Variants in CCSER1 observed in about 807,000 individuals in gnomAD.
CCSER1 encodes the protein coiled-coil serine rich protein 1, also known as serine-rich coiled-coil domain-containing protein 1.
Under a neutral mutation model 82.0 loss-of-function variants are expected in CCSER1, and 41 were observed. That is an observed-to-expected ratio of 0.50 (90% CI 0.39 to 0.65). CCSER1 has a LOEUF of 0.65. Ranked by LOEUF, CCSER1 falls within the 30% of genes least tolerant of loss-of-function variation. The pLI is 0.00. For synonymous variants in CCSER1, 414 were observed against 383.9 expected, an observed-to-expected ratio of 1.08 and a Z score of -0.92; for missense variants, 1,119 against 1,064.2, an observed-to-expected ratio of 1.05 and a Z score of -0.72.
At chr4:91,270,784 G>C (rs62312001) in intron 10 of CCSER1, among the ~76,000 whole-genome samples, 420 of 152,208 alleles carry the variant, frequency 2.8e-3, no homozygotes, top group Non-Finnish European at 5.0e-3. Flanking sequence ...GGTAATGGAA[G>C]GCTATTATAT....
chr4:91,329,150 C>G (rs982533612), intron 10 of CCSER1, among the ~76,000 whole-genome samples: 1 of 152,136 alleles, frequency 6.6e-6, no homozygotes, highest in Non-Finnish European at 1.5e-5. Flanking sequence ...TCACATAGAA[C>G]TCTAATTTAT....
intron 10 of CCSER1, among the ~76,000 whole-genome samples, chr4:91,412,878 G>A (rs573683009): frequency 3.4e-4 from 52 of 152,158 alleles, no homozygotes; most frequent in African/African-American, 1.2e-3. Flanking sequence ...CCTAAAGAAG[G>A]GGGGATCTAT....
chr4:90,395,637 C>T (rs1255186135), intron 3 of CCSER1, among the ~76,000 whole-genome samples: 2 of 151,050 alleles, frequency 1.3e-5, no homozygotes, highest in Non-Finnish European at 2.9e-5. Flanking sequence ...TACAATTAAA[C>T]TCTACTTGCT....
At chr4:90,448,027 G>T (rs923156314) in intron 4 of CCSER1, among the ~76,000 whole-genome samples, 1 of 152,000 alleles carries the variant, frequency 6.6e-6, no homozygotes, top group Non-Finnish European at 1.5e-5. Context: ...ACAGCAAAAT[G>T]CATTTTAGTT....
chr4:91,280,439 A>G (rs1742827845), intron 10 of CCSER1, among the ~76,000 whole-genome samples: 1 of 152,130 alleles, frequency 6.6e-6, no homozygotes, highest in African/African-American at 2.4e-5. Context: ...AGTGGCACAT[A>G]CAGGTGGGTG....
Position 90,785,251 on chromosome 4 carries a change from T to A in CCSER1, c.2011-30511T>A, listed in dbSNP as rs902377684. Among the ~76,000 whole-genome samples, 8 of 152,248 alleles carry A rather than the reference T, an allele frequency of 5.3e-5. No homozygotes were observed. The East Asian group carries it at 1.5e-3, about 29-fold the overall frequency. ...TGGGGTTTCACCATGTTGTCCAGGC[T>A]GGTCTGGAACTCCTGGGCTCAAGCA... On this transcript the variant is annotated intron_variant, in intron 7 of 10. Transcript: ENST00000509176.
intron 5 of CCSER1, among the ~76,000 whole-genome samples, chr4:90,554,636 A>G (rs10010423): frequency 0.23 from 35,579 of 152,088 alleles, 5,386 homozygotes; most frequent in East Asian, 0.47. Flanking sequence ...GCAATCCCCC[A>G]AGGACAGGAG....
At chr4:90,321,592 C>G (rs940737420) in intron 3 of CCSER1, among the ~76,000 whole-genome samples, 1 of 152,120 alleles carries the variant, frequency 6.6e-6, no homozygotes, top group South Asian at 2.1e-4. Context: ...AGTGAGAAAG[C>G]TGGATCATAT....
At chr4:91,511,533 A>G (rs1759824660) in intron 10 of CCSER1, among the ~76,000 whole-genome samples, 1 of 152,200 alleles carries the variant, frequency 6.6e-6, no homozygotes, top group African/African-American at 2.4e-5. Context: ...GGTACCACAC[A>G]GCAGGAGGTG....
At chr4:91,558,535 C>A (rs1409241062) in intron 10 of CCSER1, among the ~76,000 whole-genome samples, 1 of 151,562 alleles carries the variant, frequency 6.6e-6, no homozygotes, top group African/African-American at 2.4e-5. Context: ...TTGTATTAGT[C>A]TGTTTTCACA....
At chr4:90,235,940 A>C (rs1176171700) in intron 1 of CCSER1, among the ~76,000 whole-genome samples, 1 of 152,144 alleles carries the variant, frequency 6.6e-6, no homozygotes, top group Non-Finnish European at 1.5e-5. Context: ...AAAAACATGC[A>C]AAATAAGTAA....
intron 9 of CCSER1, among the ~76,000 whole-genome samples, chr4:91,015,143 T>G (rs1200821233): frequency 6.6e-6 from 1 of 152,128 alleles, no homozygotes; most frequent in Admixed American, 6.5e-5. Flanking sequence ...CTTACCATTA[T>G]GTAATGTGAG....
At chr4:91,249,955 A>AT (rs1740125418) in intron 10 of CCSER1, among the ~76,000 whole-genome samples, 1 of 142,088 alleles carries the variant, frequency 7.0e-6, no homozygotes, top group South Asian at 2.2e-4. Context: ...AATAATAAAA[A>AT]AAAAAAACAG....
intron 1 of CCSER1, among the ~76,000 whole-genome samples, chr4:90,143,447 G>A (rs1015419336): frequency 1.4e-5 from 2 of 146,684 alleles, no homozygotes; most frequent in African/African-American, 5.0e-5. Context: ...TTCATGTTTG[G>A]TTTTTTCCAC....
intron 9 of CCSER1, among the ~76,000 whole-genome samples, chr4:91,021,654 C>T (rs1739978138): frequency 6.6e-6 from 1 of 152,090 alleles, no homozygotes; most frequent in Non-Finnish European, 1.5e-5. Context: ...TTACTCAACA[C>T]TTATGTATTG....
intron 8 of CCSER1, among the ~76,000 whole-genome samples, chr4:90,876,494 C>T (rs1580884265): frequency 6.6e-6 from 1 of 152,188 alleles, no homozygotes; most frequent in African/African-American, 2.4e-5. Flanking sequence ...TGAAACTAAG[C>T]TTTTCCGTAT....
intron 4 of CCSER1, among the ~76,000 whole-genome samples, chr4:90,446,854 A>G (rs1272999925): frequency 6.6e-6 from 1 of 152,156 alleles, no homozygotes; most frequent in Non-Finnish European, 1.5e-5. Flanking sequence ...ACTTAATGTG[A>G]AGATGACGAG....
intron 8 of CCSER1, chr4:90,918,281 G>C: frequency 2.2e-6 from 1 of 453,822 alleles, no homozygotes; most frequent in South Asian, 1.6e-5. Context: ...GTTTTTGAAA[G>C]TTCATCTTTT....
chr4:90,917,903 G>A (rs1393536082), intron 8 of CCSER1, among the ~76,000 whole-genome samples: 1 of 151,800 alleles, frequency 6.6e-6, no homozygotes, highest in Non-Finnish European at 1.5e-5. Flanking sequence ...TACAGTGTCA[G>A]TTTTTCTAGA....
Sources: gnomAD v4.1 joint callset for allele counts (sites outside exome capture counted in the v4.1 genomes callset) on GRCh38, gnomAD v4.1.1 for gene constraint, MANE v1.5 for transcripts, NCBI Gene and HGNC (gene_info 2026-07-23, HGNC 2026-07-21) for gene names.